The following LIN7A variants were observed in gnomAD, a reference collection of about 807,000 sequenced individuals.
The protein encoded by LIN7A is lin-7 cell polarity scaffold A.
In LIN7A, 25 loss-of-function variants were observed where a neutral mutation model predicts 29.8. That is an observed-to-expected ratio of 0.84 (90% CI 0.61 to 1.17). The LOEUF (loss-of-function observed/expected upper bound fraction) is 1.17, where lower values mean the gene tolerates loss of function less well. LIN7A is among the 50% of genes most tolerant of loss of function. LIN7A has a pLI of 0.00. For missense variants in LIN7A, 239 were observed against 287.0 expected (o/e 0.83, Z 1.21); for synonymous variants, 118 against 107.5 (o/e 1.10, Z -0.60).
In LIN7A at chr12:80,794,814, C is replaced by T. The variant is rs1870373569; in HGVS notation, c.*2913G>A. Reference sequence around the variant, plus strand: ...CAATTGTAACTTAAGCTCATTATCTCCCTGCAGATGTTCTATTTCAAATGA... The same window carrying T: ...CAATTGTAACTTAAGCTCATTATCTTCCTGCAGATGTTCTATTTCAAATGA... On this transcript the variant is annotated 3_prime_UTR_variant, in exon 6 of 6. Transcript: ENST00000552864. The T allele has an allele frequency of 6.6e-6, 1 of 152,108 alleles. No homozygotes were observed. The highest frequency in any genetic ancestry group is 1.5e-5 in the Non-Finnish European group (1 of 68,000). 9.4% of individuals were successfully genotyped at this position (152,108 alleles called of 1,614,324 possible). A position where few individuals can be genotyped will look rare whatever the true frequency, so the allele number is the denominator to read the frequency against.
intron 1 of LIN7A, chr12:80,936,922 C>G (rs1286399707): frequency 6.6e-6 from 1 of 151,986 alleles, no homozygotes; most frequent in African/African-American, 2.4e-5. Context: ...CGGGAGAAGC[C>G]GAGAGTTGCT....
chr12:80,907,061 G>C (rs888306628), intron 1 of LIN7A, among the ~76,000 whole-genome samples: 8 of 144,612 alleles, frequency 5.5e-5, no homozygotes, highest in South Asian at 2.2e-4. Context: ...TGCTCTGTGT[G>C]TGTGTGTGTG....
intron 1 of LIN7A, among the ~76,000 whole-genome samples, chr12:80,926,860 G>A (rs898814190): frequency 4.4e-4 from 66 of 149,070 alleles, no homozygotes; most frequent in African/African-American, 1.5e-3. Context: ...CCCGGGAGGC[G>A]GAGCTTACAG....
At position 80,937,759 on chromosome 12, in the gene LIN7A, TGGGGGC is replaced by T; in HGVS notation, c.-43_-38del. On this transcript the variant is annotated 5_prime_UTR_variant, in exon 1 of 6. Coordinates refer to ENST00000552864, the MANE Select transcript of LIN7A (RefSeq NM_004664.4). ...CGTAGTGAGAAAAAAAGGAGGAGAT[TGGGGGC>T]GGGGGTGGAGAGGGAAGACGGAAAG... The T allele has an allele frequency of 4.6e-6, 1 of 216,650 alleles. No homozygotes were observed. The highest frequency in any genetic ancestry group is 6.2e-6 in the Non-Finnish European group (1 of 161,428). The allele number at this position is 216,650 out of a possible 1,614,324, so 13.4% of individuals were successfully genotyped here.
rs1488403461 is a variant in LIN7A at position 80,848,287 on chromosome 12, A to G, written c.237T>C (p.Asn79=). Residue 79 remains asparagine, a synonymous_variant, in exon 3 of 6, where the codon AAT becomes AAC. Transcript: ENST00000552864. ...YQYMHETITV[N]GCPEFRARAT... ...CCCTCGCACGGAATTCGGGACAGCC[A>G]TTAACAGTTATCGTTTCATGCATAT... 6.2e-7 allele frequency: 1 copy of G among 1,613,414 alleles called. No homozygotes were observed. The highest frequency in any genetic ancestry group is 1.7e-5 in the Admixed American group (1 of 60,002).
chr12:80,866,028 G>T (rs1465601965), intron 2 of LIN7A, among the ~76,000 whole-genome samples: 1 of 152,154 alleles, frequency 6.6e-6, no homozygotes, highest in East Asian at 1.9e-4. Flanking sequence ...AAAAGGGTGT[G>T]CATGTGTTGT....
intron 2 of LIN7A, among the ~76,000 whole-genome samples, chr12:80,868,524 C>T (rs1368281977): frequency 2.0e-5 from 3 of 152,128 alleles, no homozygotes; most frequent in African/African-American, 7.2e-5. Flanking sequence ...GCCGAGATTG[C>T]GCCATTGCAC....
chr12:80,853,228 T>C (rs1437214206), intron 2 of LIN7A, among the ~76,000 whole-genome samples: 1 of 152,198 alleles, frequency 6.6e-6, no homozygotes, highest in African/African-American at 2.4e-5. Flanking sequence ...GTCTCTTTTC[T>C]TCTGTTCCTT....
chr12:80,840,753 C>T (rs1183581518), intron 4 of LIN7A, among the ~76,000 whole-genome samples: 1 of 152,062 alleles, frequency 6.6e-6, no homozygotes. Flanking sequence ...TTATATGGTA[C>T]TCTCAGCAGA....
At chr12:80,802,523 GT>G (rs1330044970) in intron 5 of LIN7A, among the ~76,000 whole-genome samples, 2 of 152,058 alleles carry the variant, frequency 1.3e-5, no homozygotes, top group African/African-American at 4.8e-5. Context: ...TCTAATTTTA[GT>G]TTTTGAGGAC....
chr12:80,793,520 A>G lies in LIN7A; in HGVS notation c.*4207T>C, dbSNP rs1261339847. ...AACTCTCTAGTTATTGCTAGAGTAA[A>G]TGTTGGAGAGTTTCTCACAGTAACC... On this transcript the variant is annotated 3_prime_UTR_variant, in exon 6 of 6. Transcript: ENST00000552864. 6.6e-6 allele frequency: 1 copy of G among 152,138 alleles called. No homozygotes were observed. 9.4% of individuals were successfully genotyped at this position (152,138 alleles called of 1,614,324 possible).
intron 1 of LIN7A, chr12:80,937,300 G>A (rs994232048): frequency 3.9e-6 from 1 of 257,526 alleles, no homozygotes; most frequent in Non-Finnish European, 7.3e-6. Context: ...CTCCAACCCC[G>A]AGCCCCTGGC....
intron 1 of LIN7A, among the ~76,000 whole-genome samples, chr12:80,929,683 T>C (rs1358463242): frequency 1.3e-5 from 2 of 152,150 alleles, no homozygotes; most frequent in Non-Finnish European, 2.9e-5. Flanking sequence ...ACCACTTTCT[T>C]TTCTAAGTGC....
intron 1 of LIN7A, among the ~76,000 whole-genome samples, chr12:80,907,174 C>T (rs193048253): frequency 6.6e-6 from 1 of 151,354 alleles, no homozygotes; most frequent in East Asian, 2.0e-4. Flanking sequence ...ATACATTTTA[C>T]TGTGGGTGAT....
intron 2 of LIN7A, among the ~76,000 whole-genome samples, chr12:80,887,117 A>C (rs1875368827): frequency 6.6e-6 from 1 of 152,120 alleles, no homozygotes; most frequent in Non-Finnish European, 1.5e-5. Flanking sequence ...CCTAAGATTC[A>C]ATAGAGTCTT....
chr12:80,829,379 T>C (rs1393539422), intron 4 of LIN7A, among the ~76,000 whole-genome samples: 1 of 152,170 alleles, frequency 6.6e-6, no homozygotes, highest in Non-Finnish European at 1.5e-5. Flanking sequence ...ACATCGTTAA[T>C]TTGCTGAAAC....
At chr12:80,877,946 G>T (rs1178545912) in intron 2 of LIN7A, among the ~76,000 whole-genome samples, 2 of 151,442 alleles carry the variant, frequency 1.3e-5, no homozygotes, top group Non-Finnish European at 2.9e-5. Context: ...CTCAACAGAA[G>T]ACAGAATGTT....
chr12:80,880,061 T>C (rs1459641585), intron 2 of LIN7A, among the ~76,000 whole-genome samples: 1 of 152,156 alleles, frequency 6.6e-6, no homozygotes, highest in East Asian at 1.9e-4. Context: ...TTACAGATGT[T>C]TGTAGATCTT....
chr12:80,878,006 T>C (rs888900337), intron 2 of LIN7A, among the ~76,000 whole-genome samples: 5 of 152,236 alleles, frequency 3.3e-5, no homozygotes, highest in Admixed American at 3.3e-4. Context: ...ACTCTATTAT[T>C]TTGAACTACT....
Sources: allele counts gnomAD v4.1 joint callset (sites outside exome capture counted in the v4.1 genomes callset), GRCh38; gene constraint gnomAD v4.1.1; transcripts MANE v1.5; gene names NCBI Gene and HGNC (gene_info 2026-07-23, HGNC 2026-07-21).